The following CDH13 variants were observed in gnomAD, a reference collection of about 807,000 sequenced individuals.
CDH13 encodes cadherin-13.
Under a neutral mutation model 63.8 loss-of-function variants are expected in CDH13, and 24 were observed. That is an observed-to-expected ratio of 0.38 (90% confidence interval 0.27 to 0.53). CDH13 has a LOEUF of 0.53. Among genes scored for constraint, CDH13 ranks in the 20% least tolerant of loss-of-function variants. CDH13 has a pLI of 0.85. For missense variants in CDH13, 1,049 were observed against 903.1 expected, an observed-to-expected ratio of 1.16 and a Z score of -2.07; for synonymous variants, 503 against 355.3, an observed-to-expected ratio of 1.42 and a Z score of -4.67.
intron 2 of CDH13, among the ~76,000 whole-genome samples, chr16:82,902,058 T>A (rs547159235): frequency 1.3e-5 from 2 of 152,234 alleles, no homozygotes; most frequent in African/African-American, 4.8e-5. Context: ...CAAGTCTGTC[T>A]CATTTCAAAA....
chr16:83,455,600 C>G (rs1300351120), intron 6 of CDH13, among the ~76,000 whole-genome samples: 1 of 152,188 alleles, frequency 6.6e-6, no homozygotes, highest in African/African-American at 2.4e-5. Flanking sequence ...CTGCTTCCAG[C>G]TGCGTTTTCC....
intron 2 of CDH13, among the ~76,000 whole-genome samples, chr16:83,003,582 A>G (rs1171356089): frequency 6.6e-6 from 1 of 152,250 alleles, no homozygotes; most frequent in Non-Finnish European, 1.5e-5. Context: ...CTCAATTGCA[A>G]ACCTCTCAGA....
rs189738047 is a variant in CDH13, at chr16:83,683,058, C to G, written c.1538+4597C>G. Among the ~76,000 whole-genome samples, 211 of 152,352 alleles carry G rather than the reference C, an allele frequency of 1.4e-3. 1 individual carries two copies. Among genetic ancestry groups the G allele is most frequent in the African/African-American group, 4.7e-3 (194 of 41,582 alleles). Reference sequence around the variant, plus strand: ...TCCTCGGCTGACCGCGGCCAGACACCCTTTCATCTCCCCAGGGAATGCTCA... The same window carrying G: ...TCCTCGGCTGACCGCGGCCAGACACGCTTTCATCTCCCCAGGGAATGCTCA... On this transcript the variant is annotated intron_variant, in intron 10 of 13. Coordinates refer to ENST00000567109, the MANE Select transcript of CDH13 (RefSeq NM_001257.5).
intron 10 of CDH13, among the ~76,000 whole-genome samples, chr16:83,691,315 CAG>C (rs1467614588): frequency 6.6e-6 from 1 of 152,088 alleles, no homozygotes; most frequent in Non-Finnish European, 1.5e-5. Context: ...AGCTGGGTAT[CAG>C]GGGGCGTTTG....
At chr16:82,790,967 G>T (rs1202279728) in intron 1 of CDH13, among the ~76,000 whole-genome samples, 2 of 152,208 alleles carry the variant, frequency 1.3e-5, no homozygotes, top group South Asian at 2.1e-4. Flanking sequence ...GCTGTGCCTG[G>T]TGGCTCACGC....
At chr16:83,746,897 C>G (rs1912635119) in intron 10 of CDH13, among the ~76,000 whole-genome samples, 1 of 152,142 alleles carries the variant, frequency 6.6e-6, no homozygotes, top group South Asian at 2.1e-4. Flanking sequence ...AAAGAGCAAC[C>G]TCAAAACAAG....
At chr16:82,962,016 T>C (rs769112001) in intron 2 of CDH13, among the ~76,000 whole-genome samples, 1 of 151,932 alleles carries the variant, frequency 6.6e-6, no homozygotes, top group Non-Finnish European at 1.5e-5. Context: ...AAATCCATGG[T>C]AAAATAACAT....
chr16:82,958,049 CTCTG>C (rs1906390373), intron 2 of CDH13, among the ~76,000 whole-genome samples: 3 of 152,192 alleles, frequency 2.0e-5, no homozygotes. Context: ...GGCACCACAG[CTCTG>C]TCTTTCTCTT....
chr16:83,216,637 A>G (rs1317289684), intron 4 of CDH13, among the ~76,000 whole-genome samples: 2 of 144,354 alleles, frequency 1.4e-5, no homozygotes, highest in Admixed American at 1.4e-4. Context: ...GGGGTTTAAT[A>G]TATATATTAT....
chr16:82,959,263 G>T (rs964215475), intron 2 of CDH13, among the ~76,000 whole-genome samples: 2 of 152,206 alleles, frequency 1.3e-5, no homozygotes, highest in Non-Finnish European at 2.9e-5. Context: ...ACAGGAAAGC[G>T]TTGGTTATGG....
At chr16:82,649,297 AGGATGAATGCATAGATGGAGGATGGAT>A (rs1383189862) in intron 1 of CDH13, among the ~76,000 whole-genome samples, 1 of 152,154 alleles carries the variant, frequency 6.6e-6, no homozygotes, top group Non-Finnish European at 1.5e-5. Context: ...GATGGATGGA[AGGATGAATGCATAGATGGAGGATGGAT>A]GGATGGATGA....
chr16:83,141,563 C>G (rs1357960608), intron 4 of CDH13, among the ~76,000 whole-genome samples: 1 of 152,132 alleles, frequency 6.6e-6, no homozygotes, highest in East Asian at 1.9e-4. Flanking sequence ...AGGTTTGTTA[C>G]ATAGGTATAC....
At chr16:82,781,710 A>G (rs1054373576) in intron 1 of CDH13, among the ~76,000 whole-genome samples, 1 of 152,188 alleles carries the variant, frequency 6.6e-6, no homozygotes, top group Non-Finnish European at 1.5e-5. Context: ...TCATCCATCA[A>G]TATAGCCTTG....
chr16:83,036,284 A>T (rs1003170469), intron 3 of CDH13, among the ~76,000 whole-genome samples: 2 of 151,090 alleles, frequency 1.3e-5, no homozygotes, highest in African/African-American at 4.9e-5. Flanking sequence ...TGAGTGGCTG[A>T]GATTACAGGC....
intron 10 of CDH13, among the ~76,000 whole-genome samples, chr16:83,719,918 TG>T (rs1909462679): frequency 1.3e-5 from 2 of 152,208 alleles, no homozygotes; most frequent in African/African-American, 4.8e-5. Context: ...TAGGGGACAG[TG>T]GGGTCAGACT....
chr16:83,652,636 T>A (rs1200363645), intron 8 of CDH13, among the ~76,000 whole-genome samples: 1 of 152,144 alleles, frequency 6.6e-6, no homozygotes, highest in Non-Finnish European at 1.5e-5. Context: ...ATATTGCCTT[T>A]CCTCACTCAG....
intron 4 of CDH13, among the ~76,000 whole-genome samples, chr16:83,172,574 AAAAC>A (rs770024083): frequency 2.7e-5 from 4 of 149,732 alleles, no homozygotes; most frequent in East Asian, 1.9e-4. Flanking sequence ...CAAAAAATGC[AAAAC>A]AAACAAACAA....
chr16:82,721,447 A>G (rs2032764170), intron 1 of CDH13, among the ~76,000 whole-genome samples: 2 of 152,162 alleles, frequency 1.3e-5, no homozygotes, highest in South Asian at 2.1e-4. Flanking sequence ...GGAGTAGGGT[A>G]GAAGGTGCAG....
At position 82,653,927 on chromosome 16, in the gene CDH13, T is replaced by C. The variant is rs556615599; in HGVS notation, c.45+26790T>C. 7.5e-4 allele frequency among the ~76,000 whole-genome samples: 114 copies of C among 152,116 alleles called. 2 individuals are homozygous for C. Among genetic ancestry groups the C allele is most frequent in the Non-Finnish European group, 1.2e-3 (82 of 67,998 alleles). ...CAGATACCACAGAGATCATGAGATA[T>C]AGCACAACAGATAAGACTTGCTAAT... On this transcript the variant is annotated intron_variant, in intron 1 of 13. Coordinates refer to ENST00000567109, the MANE Select transcript of CDH13 (RefSeq NM_001257.5).
Sources: allele counts gnomAD v4.1 joint callset (sites outside exome capture counted in the v4.1 genomes callset), GRCh38; gene constraint gnomAD v4.1.1; transcripts MANE v1.5; gene names NCBI Gene and HGNC (gene_info 2026-07-23, HGNC 2026-07-21).